Variants in ATP2B2 observed in about 807,000 individuals in gnomAD.
ATP2B2 encodes ATPase plasma membrane Ca2+ transporting 2.
ATP2B2 carries 15 observed loss-of-function variants against 120.0 expected under a neutral mutation model. The ratio of observed to expected loss-of-function variants is 0.12; its 90% CI spans 0.08 to 0.19. The LOEUF (loss-of-function observed/expected upper bound fraction) is 0.19, where lower values mean the gene tolerates loss of function less well. Among genes scored for constraint, ATP2B2 ranks in the 10% least tolerant of loss-of-function variants. The pLI is 1.00. For missense variants in ATP2B2, 1,045 were observed against 1,719.8 expected (o/e 0.61, Z 6.94); for synonymous variants, 694 against 700.3 (o/e 0.99, Z 0.14).
At chr3:10,516,050 T>C (rs528636336) in intron 3 of ATP2B2, among the ~76,000 whole-genome samples, 1 of 152,258 alleles carries the variant, frequency 6.6e-6, no homozygotes, top group Admixed American at 6.5e-5. Context: ...GGTGGGAGCA[T>C]TGACACCACA....
intron 1 of ATP2B2, among the ~76,000 whole-genome samples, chr3:10,489,937 C>A (rs1295514951): frequency 1.3e-5 from 2 of 152,266 alleles, no homozygotes; most frequent in Non-Finnish European, 2.9e-5. Flanking sequence ...GCCACCCCGG[C>A]CTGGTGCCTT....
chr3:10,484,838 A>C (rs551526032), intron 1 of ATP2B2, among the ~76,000 whole-genome samples: 52 of 152,314 alleles, frequency 3.4e-4, no homozygotes, highest in African/African-American at 1.2e-3. Context: ...TCTGTGTCCT[A>C]CTTAGTTCTG....
intron 22 of ATP2B2, chr3:10,332,325 T>C (rs1361592646): frequency 4.8e-6 from 2 of 415,242 alleles, no homozygotes; most frequent in Non-Finnish European, 8.9e-6. Flanking sequence ...GGACCTGGCT[T>C]ATGGGGCTGG....
chr3:10,651,284 C>A (rs960806553), intron 1 of ATP2B2, among the ~76,000 whole-genome samples: 1 of 152,134 alleles, frequency 6.6e-6, no homozygotes, highest in Non-Finnish European at 1.5e-5. Context: ...TGTCCCCACC[C>A]AAATTTCATA....
intron 1 of ATP2B2, among the ~76,000 whole-genome samples, chr3:10,670,116 T>C (rs532534119): frequency 6.6e-6 from 1 of 152,300 alleles, no homozygotes; most frequent in Admixed American, 6.5e-5. Flanking sequence ...TGCAGTTGCT[T>C]AAAATAAAAA....
At chr3:10,515,684 C>T (rs572633936) in intron 3 of ATP2B2, among the ~76,000 whole-genome samples, 1 of 152,326 alleles carries the variant, frequency 6.6e-6, no homozygotes, top group East Asian at 1.9e-4. Flanking sequence ...GAGCTTAAGT[C>T]TGAGCTCCAC....
chr3:10,594,090 G>T (rs1337897665), intron 2 of ATP2B2, among the ~76,000 whole-genome samples: 1 of 152,242 alleles, frequency 6.6e-6, no homozygotes, highest in Non-Finnish European at 1.5e-5. Context: ...AGGATGTGGA[G>T]AAATAGGAAC....
chr3:10,528,821 C>T (rs952573452), intron 3 of ATP2B2, among the ~76,000 whole-genome samples: 4 of 152,210 alleles, frequency 2.6e-5, no homozygotes, highest in African/African-American at 4.8e-5. Context: ...TAAGCAGGTG[C>T]GTTGGCTCAT....
chr3:10,608,833 G>T (rs936128569), intron 2 of ATP2B2, among the ~76,000 whole-genome samples: 1 of 152,204 alleles, frequency 6.6e-6, no homozygotes, highest in Non-Finnish European at 1.5e-5. Flanking sequence ...TAGGGGCGCT[G>T]CTGGGGAGAG....
At chr3:10,557,761 C>T (rs528395401) in intron 2 of ATP2B2, among the ~76,000 whole-genome samples, 8 of 152,286 alleles carry the variant, frequency 5.3e-5, no homozygotes, top group African/African-American at 1.9e-4. Context: ...ATCTCAGTAC[C>T]TGGCAGGCAT....
At chr3:10,668,786 A>G (rs1210448611) in intron 1 of ATP2B2, among the ~76,000 whole-genome samples, 7 of 152,224 alleles carry the variant, frequency 4.6e-5, no homozygotes, top group Non-Finnish European at 8.8e-5. Context: ...TACCCAGCTC[A>G]GGGCAGGCTC....
At chr3:10,627,614 G>A (rs574574469) in intron 1 of ATP2B2, among the ~76,000 whole-genome samples, 1 of 152,316 alleles carries the variant, frequency 6.6e-6, no homozygotes, top group Middle Eastern at 3.4e-3. Context: ...GGATCCTTGT[G>A]CAAGGTCGGG....
intron 11 of ATP2B2, among the ~76,000 whole-genome samples, chr3:10,374,617 A>G (rs899491233): frequency 6.6e-6 from 1 of 152,168 alleles, no homozygotes; most frequent in Non-Finnish European, 1.5e-5. Flanking sequence ...TGGAGAAAAC[A>G]TGGGGCAAAG....
At chr3:10,525,290 C>T (rs1163469797) in intron 3 of ATP2B2, among the ~76,000 whole-genome samples, 2 of 152,252 alleles carry the variant, frequency 1.3e-5, no homozygotes, top group African/African-American at 4.8e-5. Flanking sequence ...TCCACTGCTG[C>T]TGTGGGGCCC....
intron 1 of ATP2B2, among the ~76,000 whole-genome samples, chr3:10,664,512 C>G (rs890130501): frequency 1.3e-5 from 2 of 152,210 alleles, no homozygotes; most frequent in African/African-American, 4.8e-5. Context: ...GAAGGCACCT[C>G]TGGAAGGCTC....
At chr3:10,366,408 C>G (rs1054300950) in intron 12 of ATP2B2, among the ~76,000 whole-genome samples, 4 of 152,186 alleles carry the variant, frequency 2.6e-5, no homozygotes, top group Non-Finnish European at 5.9e-5. Context: ...CGAAGCTTGG[C>G]TTATCTATTC....
rs561467610 is a variant in ATP2B2, at chr3:10,680,097, G to A, written c.-460+27818C>T. 2.0e-5 allele frequency among the ~76,000 whole-genome samples: 3 copies of A among 152,332 alleles called. No homozygotes were observed. In the South Asian group the frequency reaches 6.2e-4, roughly 32 times the overall value. On this transcript the variant is annotated intron_variant, in intron 1 of 21. Transcript: ENST00000646379. The stretch of plus-strand genomic sequence containing the variant: ...TTTGTTGAATGAATGAATGAATGGT[G>A]TTGGTTACATTGTTCTCTGTCAGAT...
At chr3:10,682,625 G>A (rs921260375) in intron 1 of ATP2B2, among the ~76,000 whole-genome samples, 5 of 152,192 alleles carry the variant, frequency 3.3e-5, no homozygotes, top group East Asian at 3.8e-4. Context: ...TTAGGGGTAC[G>A]TTTCCTGTGG....
At chr3:10,597,349 G>T (rs1198389937) in intron 2 of ATP2B2, among the ~76,000 whole-genome samples, 1 of 147,286 alleles carries the variant, frequency 6.8e-6, no homozygotes, top group Non-Finnish European at 1.5e-5. Flanking sequence ...ACAGGCACAG[G>T]CACCTAGGCA....
Sources: allele counts gnomAD v4.1 joint callset (sites outside exome capture counted in the v4.1 genomes callset), GRCh38; gene constraint gnomAD v4.1.1; transcripts MANE v1.5; gene names NCBI Gene and HGNC (gene_info 2026-07-23, HGNC 2026-07-21).